ZFYVE28: variants seen among roughly 807,000 people sequenced by gnomAD.
ZFYVE28 encodes the protein zinc finger FYVE-type containing 28, also known as lateral signaling target protein 2 homolog.
In ZFYVE28, 40 loss-of-function variants were observed where a neutral mutation model predicts 82.1. That is an observed-to-expected ratio of 0.49 (90% CI 0.38 to 0.63). ZFYVE28 has a LOEUF of 0.63. Ranked by LOEUF, ZFYVE28 falls within the 30% of genes least tolerant of loss-of-function variation. The pLI is 0.00. For synonymous variants in ZFYVE28, 612 were observed against 546.1 expected, an observed-to-expected ratio of 1.12 and a Z score of -1.68; for missense variants, 1,321 against 1,242.1, an observed-to-expected ratio of 1.06 and a Z score of -0.96.
At position 2,332,818 on chromosome 4, in the gene ZFYVE28, C is replaced by G. The variant is rs1270657885; in HGVS notation, c.701+2887G>C. On this transcript the variant is annotated intron_variant, in intron 6 of 12. Transcript: ENST00000290974. This position sits in a 1 kb window ranked among gnomAD's most constrained non-coding sequence, Gnocchi z 4.7. Reference sequence around the variant, plus strand: ...CACTCACCCGCTCAGCACTCACCCGCCCTGCTCGAGGCTCGCTGCACAGAG... The same window carrying G: ...CACTCACCCGCTCAGCACTCACCCGGCCTGCTCGAGGCTCGCTGCACAGAG... Among the ~76,000 whole-genome samples the G allele has an allele frequency of 6.6e-6, 1 of 152,176 alleles. No homozygotes were observed. Among genetic ancestry groups the G allele is most frequent in the African/African-American group, 2.4e-5 (1 of 41,430 alleles).
At position 2,300,867 on chromosome 4, in the gene ZFYVE28, G is replaced by A. The variant is rs574313644; in HGVS notation, c.2051+3422C>T. Among the ~76,000 whole-genome samples, 19 of 152,326 alleles carry A rather than the reference G, an allele frequency of 1.2e-4. 1 individual carries two copies. The highest frequency in any genetic ancestry group is 4.6e-4 in the African/African-American group (19 of 41,568). On this transcript the variant is annotated intron_variant, in intron 8 of 12. Coordinates refer to ENST00000290974, the MANE Select transcript of ZFYVE28 (RefSeq NM_020972.3). The surrounding 1 kb of genome is among the most constrained non-coding windows in gnomAD (Gnocchi z 4.6). ...CAGGGGCTGCAGGGGCGTCTGCCGG[G>A]CGAGCGGGTCTCACGGCCAAACAGG...
intron 1 of ZFYVE28, among the ~76,000 whole-genome samples, chr4:2,414,873 C>A (rs1287652917): frequency 1.3e-5 from 2 of 152,166 alleles, no homozygotes; most frequent in East Asian, 3.9e-4. Context: ...CCAACCATGC[C>A]AAAATGGTTT....
intron 1 of ZFYVE28, among the ~76,000 whole-genome samples, chr4:2,355,711 G>A (rs1042740526): frequency 2.9e-4 from 44 of 152,150 alleles, no homozygotes; most frequent in African/African-American, 1.1e-3. Flanking sequence ...CCAAGTAGCT[G>A]AGACTATAGG....
chr4:2,371,747 G>A (rs569120535), intron 1 of ZFYVE28, among the ~76,000 whole-genome samples: 2 of 152,378 alleles, frequency 1.3e-5, no homozygotes, highest in Admixed American at 6.5e-5. Context: ...GTGTCTTTAA[G>A]GGCTAAAGCC....
intron 1 of ZFYVE28, among the ~76,000 whole-genome samples, chr4:2,386,141 T>C (rs1224681636): frequency 6.6e-6 from 1 of 152,166 alleles, no homozygotes; most frequent in Non-Finnish European, 1.5e-5. Flanking sequence ...ATGGTTTGAA[T>C]GTCCCCTCCC....
chr4:2,413,660 T>TG (rs1308491754), intron 1 of ZFYVE28, among the ~76,000 whole-genome samples: 1 of 152,226 alleles, frequency 6.6e-6, no homozygotes, highest in Non-Finnish European at 1.5e-5. Flanking sequence ...GCTGGGCACT[T>TG]GGAGTTTATC....
At chr4:2,358,975 C>CTTTTT (rs34020284) in intron 1 of ZFYVE28, among the ~76,000 whole-genome samples, 1 of 125,774 alleles carries the variant, frequency 8.0e-6, no homozygotes, top group Non-Finnish European at 1.6e-5. Flanking sequence ...CCAATTTTTT[C>CTTTTT]TTTTTTTTTT....
In ZFYVE28 at chr4:2,339,059, G is replaced by C. The variant is rs1176788204; in HGVS notation, c.521+394C>G. 2.6e-5 allele frequency among the ~76,000 whole-genome samples: 4 copies of C among 152,184 alleles called. No individual in the cohort carries two copies. Among genetic ancestry groups the C allele is most frequent in the African/African-American group, 9.7e-5 (4 of 41,440 alleles). ...GATCTTCTGACCTCATGATCCGCCTGCCTCGGCCTCTCAACGTGCTGGGAT... is the reference window on the plus strand; with the variant it reads ...GATCTTCTGACCTCATGATCCGCCTCCCTCGGCCTCTCAACGTGCTGGGAT... On this transcript the variant is annotated intron_variant, in intron 4 of 12. Coordinates refer to ENST00000290974, the MANE Select transcript of ZFYVE28 (RefSeq NM_020972.3). The surrounding 1 kb of genome is among the most constrained non-coding windows in gnomAD (Gnocchi z 5.0).
rs959940603 is a variant in ZFYVE28, at chr4:2,273,919, G to A, written c.2206+143C>T. On this transcript the variant is annotated intron_variant, in intron 9 of 12. Transcript: ENST00000290974. ...GTCAGTCCAGCCTTCTCCATGAACA[G>A]GAGTGCTGGCTCCTTAGGGGCAGAG... 4.3e-6 allele frequency: 4 copies of A among 920,488 alleles called. No homozygotes were observed. The African/African-American group carries it at 6.6e-5, about 15-fold the overall frequency. 57.0% of individuals were successfully genotyped at this position (920,488 alleles called of 1,614,324 possible).
chr4:2,388,885 G>C (rs1053298699), intron 1 of ZFYVE28, among the ~76,000 whole-genome samples: 1 of 152,128 alleles, frequency 6.6e-6, no homozygotes, highest in Non-Finnish European at 1.5e-5. Context: ...ATTTCAACCC[G>C]AAATCTAGGA....
chr4:2,395,946 A>G (rs1334063191), intron 1 of ZFYVE28, among the ~76,000 whole-genome samples: 1 of 152,208 alleles, frequency 6.6e-6, no homozygotes, highest in Non-Finnish European at 1.5e-5. Context: ...CACCCCCCAC[A>G]CTACATGACA....
intron 2 of ZFYVE28, among the ~76,000 whole-genome samples, chr4:2,345,339 T>A (rs922450366): frequency 1.3e-5 from 2 of 152,170 alleles, no homozygotes; most frequent in Non-Finnish European, 2.9e-5. Flanking sequence ...TTATAACTGA[T>A]TCCCATGTGT....
chr4:2,369,994 G>A (rs939156752), intron 1 of ZFYVE28, among the ~76,000 whole-genome samples: 6 of 151,360 alleles, frequency 4.0e-5, no homozygotes, highest in Admixed American at 1.3e-4. Flanking sequence ...GGGATTACAG[G>A]AGTGCATCAC....
At chr4:2,382,228 C>T (rs1423388942) in intron 1 of ZFYVE28, among the ~76,000 whole-genome samples, 4 of 152,250 alleles carry the variant, frequency 2.6e-5, no homozygotes, top group Non-Finnish European at 5.9e-5. Flanking sequence ...TTGGAGCCCC[C>T]ACACAGAGTC....
At position 2,305,298 on chromosome 4, in the gene ZFYVE28, T is replaced by C. The variant is rs745784609; in HGVS notation, c.1042A>G (p.Met348Val). ...ATCTCGTCCCCCGCCCTGTGGACCA[T>C]GCGGCTGAGCTGCTCCAGCTCCTGG... ...DDQELEQLSR[M>V]VHRAGDEMSS... is the part of the protein sequence containing the mutation. The change falls in exon 8 of 13, where the codon ATG (methionine) becomes GTG (valine). Residue 348 changes from methionine (M) to valine (V), a missense_variant. By Grantham distance (21) the Met-to-Val change is conservative (BLOSUM62 1). This residue lies in a region of ZFYVE28 where 978 missense variants were observed against 833.7 expected (regional missense o/e 1.17). Transcript: ENST00000290974. 1.2e-6 allele frequency: 2 copies of C among 1,613,088 alleles called. No individual in the cohort carries two copies. Among genetic ancestry groups the C allele is most frequent in the Non-Finnish European group, 1.7e-6 (2 of 1,179,986 alleles).
chr4:2,275,782 G>T (rs1441513880), intron 8 of ZFYVE28, among the ~76,000 whole-genome samples: 2 of 152,266 alleles, frequency 1.3e-5, no homozygotes, highest in African/African-American at 4.8e-5. Context: ...GAGCCCGGTG[G>T]CCTCTGTTGC....
intron 1 of ZFYVE28, chr4:2,406,620 G>GAA (rs1731948208): frequency 6.6e-6 from 1 of 152,204 alleles, no homozygotes; most frequent in Non-Finnish European, 1.5e-5. Context: ...TTTCTTTTCA[G>GAA]CCTTTCTGCG....
chr4:2,335,725 G>A lies in ZFYVE28; in HGVS notation c.681C>T (p.Ile227=). 6.3e-7 allele frequency: 1 copy of A among 1,577,122 alleles called. No individual in the cohort carries two copies. Among genetic ancestry groups the A allele is most frequent in the Non-Finnish European group, 8.6e-7 (1 of 1,161,408 alleles). ...CTCACCACACGATGGCCAGCCTGGG[G>A]ATGCTGAACATGAGGGCCGGCTCGT... ...DDYEPALMFS[I]PRLAIVCGLV... is the part of the protein sequence containing the mutation. The change falls in exon 6 of 13, where the codon ATC becomes ATT. Residue 227 remains isoleucine, a synonymous_variant. Transcript: ENST00000290974. The surrounding 1 kb of genome is among the most constrained non-coding windows in gnomAD (Gnocchi z 5.8).
At chr4:2,306,399 G>A (rs1384850681) in intron 7 of ZFYVE28, among the ~76,000 whole-genome samples, 12 of 152,352 alleles carry the variant, frequency 7.9e-5, no homozygotes, top group Middle Eastern at 3.4e-3. Context: ...ATAGCACCCA[G>A]ATTTAGAAGT....
Sources: allele counts gnomAD v4.1 joint callset (sites outside exome capture counted in the v4.1 genomes callset), GRCh38; gene constraint gnomAD v4.1.1; regional missense constraint gnomAD v4.1.1; non-coding constraint Gnocchi (gnomAD v3.1); transcripts MANE v1.5; gene names NCBI Gene and HGNC (gene_info 2026-07-23, HGNC 2026-07-21).